The following CCSER1 variants were observed in gnomAD, a reference collection of about 807,000 sequenced individuals.
CCSER1 encodes the protein coiled-coil serine rich protein 1.
In CCSER1, 41 loss-of-function variants were observed where a neutral mutation model predicts 82.0. That is an observed-to-expected ratio of 0.50 (90% CI 0.39 to 0.65). CCSER1 has a LOEUF of 0.65. CCSER1 is among the 30% of genes least tolerant of loss of function. CCSER1 has a pLI of 0.00. For synonymous variants in CCSER1, 414 were observed against 383.9 expected (o/e 1.08, Z -0.92); for missense variants, 1,119 against 1,064.2 (o/e 1.05, Z -0.72).
intron 5 of CCSER1, among the ~76,000 whole-genome samples, chr4:90,610,687 GTAT>G (rs942069559): frequency 3.3e-5 from 5 of 152,110 alleles, no homozygotes; most frequent in African/African-American, 9.7e-5. Flanking sequence ...CTTCATGTTA[GTAT>G]TATGATGAAC....
rs188770949 is a variant in CCSER1 at position 90,502,801 on chromosome 4, C to A, written c.1724+34447C>A. 3.0e-3 allele frequency among the ~76,000 whole-genome samples: 461 copies of A among 152,106 alleles called. 2 individuals carry two copies. Among genetic ancestry groups the A allele is most frequent in the Non-Finnish European group, 4.8e-3 (326 of 67,996 alleles). On this transcript the variant is annotated intron_variant, in intron 5 of 10. Transcript: ENST00000509176. ...ACACAGAGCTCTTTTAAAAATAATC[C>A]TTTTAAATCTCTTTATACCAGACAG...
chr4:91,316,240 T>G (rs553521044), intron 10 of CCSER1, among the ~76,000 whole-genome samples: 1 of 151,972 alleles, frequency 6.6e-6, no homozygotes, highest in African/African-American at 2.4e-5. Flanking sequence ...GAGAATGAAA[T>G]AACACAGTAA....
intron 5 of CCSER1, among the ~76,000 whole-genome samples, chr4:90,542,494 A>G (rs1776238405): frequency 1.3e-5 from 2 of 152,126 alleles, no homozygotes; most frequent in African/African-American, 4.8e-5. Flanking sequence ...ATGCACCGCA[A>G]TCAAGTTGTT....
In CCSER1 at chr4:91,600,349, T is replaced by C. The variant is rs1764768134; in HGVS notation, c.*1292T>C. 1 of 152,120 alleles carries C rather than the reference T, an allele frequency of 6.6e-6. No homozygotes were observed. Among genetic ancestry groups the C allele is most frequent in the Non-Finnish European group, 1.5e-5 (1 of 68,002 alleles). 9.4% of individuals were successfully genotyped at this position (152,120 alleles called of 1,614,324 possible). On this transcript the variant is annotated 3_prime_UTR_variant, in exon 11 of 11. Transcript: ENST00000509176. The stretch of plus-strand genomic sequence containing the variant: ...TACAATTGAATACATAAATAAATAA[T>C]TTTTAAAAGACTAATAGGAATCAAG...
intron 1 of CCSER1, among the ~76,000 whole-genome samples, chr4:90,256,583 C>T (rs1723327217): frequency 6.6e-6 from 1 of 152,074 alleles, no homozygotes; most frequent in Non-Finnish European, 1.5e-5. Flanking sequence ...CAGCAGAATA[C>T]TTCTCTAGAG....
chr4:90,238,577 G>A (rs540074402), intron 1 of CCSER1, among the ~76,000 whole-genome samples: 1 of 152,214 alleles, frequency 6.6e-6, no homozygotes, highest in African/African-American at 2.4e-5. Flanking sequence ...AGGTGATACT[G>A]CCCTTGAAAC....
chr4:90,437,556 G>T (rs1675202455), intron 4 of CCSER1, among the ~76,000 whole-genome samples: 1 of 152,004 alleles, frequency 6.6e-6, no homozygotes, highest in African/African-American at 2.4e-5. Flanking sequence ...GTATAATGAG[G>T]ATAAGAAAAC....
At chr4:90,437,015 G>A (rs1052973725) in intron 4 of CCSER1, among the ~76,000 whole-genome samples, 2 of 151,918 alleles carry the variant, frequency 1.3e-5, no homozygotes, top group South Asian at 2.1e-4. Context: ...TAGAGTTAGG[G>A]TTTCACCGTG....
chr4:90,605,481 T>C (rs1784580555), intron 5 of CCSER1, among the ~76,000 whole-genome samples: 1 of 152,224 alleles, frequency 6.6e-6, no homozygotes, highest in South Asian at 2.1e-4. Flanking sequence ...TTAGAAAGTT[T>C]TGAGAAACAA....
chr4:91,484,880 T>C (rs1758134858), intron 10 of CCSER1, among the ~76,000 whole-genome samples: 1 of 152,302 alleles, frequency 6.6e-6, no homozygotes, highest in East Asian at 1.9e-4. Context: ...TAATCAAAAG[T>C]CTAAATCGAT....
intron 9 of CCSER1, among the ~76,000 whole-genome samples, chr4:91,002,396 A>C (rs1738112879): frequency 6.6e-6 from 1 of 152,180 alleles, no homozygotes; most frequent in Admixed American, 6.5e-5. Flanking sequence ...AGTTATTCTT[A>C]GGTTTGGTTG....
chr4:91,121,305 C>T (rs1727070278), intron 10 of CCSER1, among the ~76,000 whole-genome samples: 1 of 151,640 alleles, frequency 6.6e-6, no homozygotes, highest in East Asian at 1.9e-4. Flanking sequence ...ATTTTTGTCC[C>T]TGATTCACAG....
chr4:90,906,054 CAATT>C (rs1725423475), intron 8 of CCSER1, among the ~76,000 whole-genome samples: 1 of 152,060 alleles, frequency 6.6e-6, no homozygotes, highest in Admixed American at 6.6e-5. Context: ...TTGTTGGAAT[CAATT>C]AAGTCCAGCT....
intron 7 of CCSER1, among the ~76,000 whole-genome samples, chr4:90,769,183 C>G (rs918173706): frequency 6.6e-6 from 1 of 152,120 alleles, no homozygotes; most frequent in African/African-American, 2.4e-5. Flanking sequence ...GAAGTAGGAG[C>G]TCAAGATAGA....
chr4:91,355,412 T>TA (rs1286617594), intron 10 of CCSER1, among the ~76,000 whole-genome samples: 1 of 152,080 alleles, frequency 6.6e-6, no homozygotes, highest in Non-Finnish European at 1.5e-5. Flanking sequence ...GTGGGAGGCT[T>TA]AAAATGGGTC....
chr4:90,767,389 A>T (rs1349630898), intron 7 of CCSER1, among the ~76,000 whole-genome samples: 1 of 152,112 alleles, frequency 6.6e-6, no homozygotes, highest in Non-Finnish European at 1.5e-5. Context: ...AAATAATGCC[A>T]TTGGTTTAAA....
chr4:90,830,116 C>A (rs1296108454), intron 8 of CCSER1, among the ~76,000 whole-genome samples: 2 of 152,192 alleles, frequency 1.3e-5, no homozygotes, highest in African/African-American at 4.8e-5. Flanking sequence ...GCCAAACCAT[C>A]ACCGGACATT....
At chr4:91,202,072 C>A (rs1735942238) in intron 10 of CCSER1, among the ~76,000 whole-genome samples, 1 of 151,070 alleles carries the variant, frequency 6.6e-6, no homozygotes, top group Non-Finnish European at 1.5e-5. Context: ...CTCATAAATG[C>A]AATCAATAGA....
At chr4:90,795,335 C>T (rs182116688) in intron 7 of CCSER1, among the ~76,000 whole-genome samples, 78 of 150,756 alleles carry the variant, frequency 5.2e-4, no homozygotes, top group African/African-American at 1.8e-3. Flanking sequence ...GATTTCTGCA[C>T]ATTGATTTTG....
Sources: allele counts gnomAD v4.1 joint callset (sites outside exome capture counted in the v4.1 genomes callset), GRCh38; gene constraint gnomAD v4.1.1; transcripts MANE v1.5; gene names NCBI Gene and HGNC (gene_info 2026-07-23, HGNC 2026-07-21).